Variants in CNTN5 observed in about 807,000 individuals in gnomAD.
The protein encoded by CNTN5 is contactin 5.
Under a neutral mutation model 129.1 loss-of-function variants are expected in CNTN5, and 77 were observed. The ratio of observed to expected loss-of-function variants is 0.60; its 90% CI spans 0.50 to 0.72. The LOEUF is 0.72. Among genes scored for constraint, CNTN5 ranks in the 30% least tolerant of loss-of-function variants. CNTN5 has a pLI of 0.00. For synonymous variants in CNTN5, 509 were observed against 465.6 expected (o/e 1.09, Z -1.20); for missense variants, 1,478 against 1,328.8 (o/e 1.11, Z -1.75).
chr11:99,092,156 A>C (rs1000263413), intron 1 of CNTN5, among the ~76,000 whole-genome samples: 4 of 152,302 alleles, frequency 2.6e-5, no homozygotes, highest in Non-Finnish European at 4.4e-5. Flanking sequence ...ACCTATCATA[A>C]TTGTATGACT....
intron 3 of CNTN5, among the ~76,000 whole-genome samples, chr11:99,787,022 C>G (rs1262870002): frequency 6.6e-6 from 1 of 151,776 alleles, no homozygotes; most frequent in African/African-American, 2.4e-5. Context: ...TGATTATTGG[C>G]AAGTATGTTC....
chr11:99,702,311 ATTC>A (rs1954557481), intron 3 of CNTN5, among the ~76,000 whole-genome samples: 1 of 151,006 alleles, frequency 6.6e-6, no homozygotes, highest in Non-Finnish European at 1.5e-5. Flanking sequence ...CATATGAAGT[ATTC>A]TTTTCTGTTA....
At chr11:100,177,767 T>C (rs1948014030) in intron 13 of CNTN5, among the ~76,000 whole-genome samples, 1 of 152,164 alleles carries the variant, frequency 6.6e-6, no homozygotes, top group Non-Finnish European at 1.5e-5. Flanking sequence ...CAGTGTTAAA[T>C]TGAATATATT....
chr11:99,527,873 C>T (rs143715239), intron 2 of CNTN5, among the ~76,000 whole-genome samples: 1 of 152,072 alleles, frequency 6.6e-6, no homozygotes, highest in Non-Finnish European at 1.5e-5. Flanking sequence ...AGAGATCAAG[C>T]AGATGCTGCA....
At chr11:100,020,189 C>G (rs1487588002) in intron 9 of CNTN5, among the ~76,000 whole-genome samples, 4 of 151,928 alleles carry the variant, frequency 2.6e-5, no homozygotes, top group Non-Finnish European at 5.9e-5. Context: ...ATTTTAGAGT[C>G]ATATTCAAAA....
chr11:99,602,386 G>A (rs1950340915), intron 3 of CNTN5, among the ~76,000 whole-genome samples: 1 of 152,182 alleles, frequency 6.6e-6, no homozygotes, highest in South Asian at 2.1e-4. Flanking sequence ...TATTAAAGAG[G>A]AAAGCGCAGT....
At chr11:99,780,868 G>C (rs1945287269) in intron 3 of CNTN5, among the ~76,000 whole-genome samples, 1 of 152,008 alleles carries the variant, frequency 6.6e-6, no homozygotes. Flanking sequence ...CACAGTGGGA[G>C]AAAATGAGAG....
chr11:99,052,246 T>A (rs751503465), intron 1 of CNTN5, among the ~76,000 whole-genome samples: 3 of 151,876 alleles, frequency 2.0e-5, no homozygotes, highest in Non-Finnish European at 4.4e-5. Flanking sequence ...ATACATGGTA[T>A]AAATGCATGA....
At chr11:100,245,790 C>T (rs942145865) in intron 16 of CNTN5, among the ~76,000 whole-genome samples, 1 of 152,024 alleles carries the variant, frequency 6.6e-6, no homozygotes, top group African/African-American at 2.4e-5. Flanking sequence ...CAGAATAAAA[C>T]CCCGGAGCCA....
In CNTN5 at chr11:99,035,050, G is replaced by C; in HGVS notation, c.-210+13780G>C. Among the ~76,000 whole-genome samples the C allele has an allele frequency of 2.0e-5, 3 of 150,324 alleles. No homozygotes were observed. In the South Asian group the frequency reaches 6.4e-4, roughly 32 times the overall value. On this transcript the variant is annotated intron_variant, in intron 1 of 24. Coordinates refer to ENST00000524871, the MANE Select transcript of CNTN5 (RefSeq NM_014361.4). Reference sequence around the variant, plus strand: ...GTACCCAGTAGTCATTCAGGAGCAGGTTGTTCAGTTTCCATGTAGTTGAGC... The same window carrying C: ...GTACCCAGTAGTCATTCAGGAGCAGCTTGTTCAGTTTCCATGTAGTTGAGC...
chr11:99,908,208 G>T (rs1008745063), intron 6 of CNTN5, among the ~76,000 whole-genome samples: 1 of 151,952 alleles, frequency 6.6e-6, no homozygotes, highest in African/African-American at 2.4e-5. Context: ...ATAAAATGAA[G>T]GGAGAAAGGG....
chr11:99,553,642 G>A (rs1444074797), intron 2 of CNTN5, among the ~76,000 whole-genome samples: 4 of 151,606 alleles, frequency 2.6e-5, no homozygotes, highest in African/African-American at 7.3e-5. Context: ...AATATGATAC[G>A]TAAGTGAGGT....
At chr11:99,916,740 C>T (rs1340663412) in intron 7 of CNTN5, among the ~76,000 whole-genome samples, 1 of 151,888 alleles carries the variant, frequency 6.6e-6, no homozygotes, top group African/African-American at 2.4e-5. Context: ...CGTCCTTTTG[C>T]AAGCTTACAC....
At chr11:99,267,637 G>A (rs145665997) in intron 1 of CNTN5, among the ~76,000 whole-genome samples, 224 of 151,930 alleles carry the variant, frequency 1.5e-3, no homozygotes, top group Non-Finnish European at 2.8e-3. Context: ...CATTTAAATT[G>A]GCTCCATCTT....
At chr11:99,508,686 C>CTTTTTTTTTTT (rs1555010964) in intron 2 of CNTN5, among the ~76,000 whole-genome samples, 1 of 146,854 alleles carries the variant, frequency 6.8e-6, no homozygotes, top group Non-Finnish European at 1.5e-5. Flanking sequence ...TCTTTTCTTT[C>CTTTTTTTTTTT]TTTTTTTTTT....
chr11:99,578,967 A>G (rs902534851), intron 3 of CNTN5, among the ~76,000 whole-genome samples: 1 of 152,108 alleles, frequency 6.6e-6, no homozygotes, highest in Non-Finnish European at 1.5e-5. Context: ...TTTTAGGTCT[A>G]ACCATGTAAG....
At chr11:99,207,473 T>C (rs1461909644) in intron 1 of CNTN5, among the ~76,000 whole-genome samples, 1 of 152,178 alleles carries the variant, frequency 6.6e-6, no homozygotes. Flanking sequence ...TGAAATTTGT[T>C]AAGCAGTGGC....
chr11:99,643,797 T>G (rs1285766038), intron 3 of CNTN5, among the ~76,000 whole-genome samples: 1 of 151,776 alleles, frequency 6.6e-6, no homozygotes, highest in African/African-American at 2.4e-5. Context: ...AACATATATT[T>G]AGAAAAAAAT....
Position 100,350,750 on chromosome 11 carries a change from C to T in CNTN5, c.3079C>T (p.Gln1027Ter). 6.2e-7 allele frequency: 1 copy of T among 1,608,326 alleles called. No individual in the cohort carries two copies. Residue 1027 changes from glutamine (Q) to a stop codon, truncating the protein, a stop_gained, in exon 24 of 25, where the codon CAG (glutamine) becomes TAG (stop). Transcript: ENST00000524871. LOFTEE classifies it high-confidence loss of function. ...GHSNSQVIET[Q>*]KLQAVVPLPD... ...CAGCAACAGCCAAGTTATTGAAACA[C>T]AGAAACTTCAAGCAGTAGTACCACT...
Sources: gnomAD v4.1 joint callset for allele counts (sites outside exome capture counted in the v4.1 genomes callset) on GRCh38, gnomAD v4.1.1 for gene constraint, MANE v1.5 for transcripts, NCBI Gene and HGNC (gene_info 2026-07-23, HGNC 2026-07-21) for gene names.